FAAH2: variants seen among roughly 807,000 people sequenced by gnomAD.
FAAH2 encodes the protein fatty-acid amide hydrolase 2.
FAAH2 carries 60 observed loss-of-function variants against 36.9 expected under a neutral mutation model. The ratio of observed to expected loss-of-function variants is 1.63; its 90% CI spans 1.32 to 2.02. The LOEUF (loss-of-function observed/expected upper bound fraction) is 2.02, where lower values mean the gene tolerates loss of function less well. Ranked by LOEUF, FAAH2 falls within the 30% of genes most tolerant of loss-of-function variation. FAAH2 has a pLI of 0.00. For missense variants in FAAH2, 689 were observed against 397.5 expected (o/e 1.73, Z -6.23); for synonymous variants, 214 against 143.8 (o/e 1.49, Z -3.49).
chrX:57,150,470 A>G, the FAAH2 span, among the ~76,000 whole-genome samples: 1 of 112,145 alleles, frequency 8.9e-6, no homozygotes, highest in African/African-American at 3.2e-5. Context: ...TGTATTTAGG[A>G]TAGTTAGCTC....
chrX:57,415,205 C>T (rs1046156751), intron 7 of FAAH2, among the ~76,000 whole-genome samples: 1 of 108,418 alleles, frequency 9.2e-6, no homozygotes, highest in East Asian at 2.9e-4. Flanking sequence ...GATTTTTCGA[C>T]GAGTTTTCAT....
At chrX:57,480,142 T>A (rs945446564) in intron 10 of FAAH2, among the ~76,000 whole-genome samples, 15 of 109,982 alleles carry the variant, frequency 1.4e-4, no homozygotes, top group Non-Finnish European at 2.7e-4. Flanking sequence ...CCAAAAAGAG[T>A]CCTGGACCAG....
At chrX:57,458,936 G>A (rs2056910889) in intron 10 of FAAH2, among the ~76,000 whole-genome samples, 1 of 111,966 alleles carries the variant, frequency 8.9e-6, no homozygotes, top group Non-Finnish European at 1.9e-5. Flanking sequence ...TTTTCTTGTT[G>A]TTTCCCAGTG....
rs2054017073 is a variant in FAAH2, at chrX:57,352,043, T to TAC, written c.742+10654_742+10655insCA. On this transcript the variant is annotated intron_variant, in intron 5 of 10. Transcript: ENST00000374900. Reference sequence around the variant, plus strand: ...GTGTATATATATATATATACATATATATATGTGTATATATATATATATACA... The same window carrying TAC: ...GTGTATATATATATATATACATATATACATATGTGTATATATATATATATACA... 1.7e-3 allele frequency among the ~76,000 whole-genome samples: 32 copies of TAC among 19,253 alleles called. 2 individuals are homozygous for TAC. Among genetic ancestry groups the TAC allele is most frequent in the Non-Finnish European group, 2.8e-3 (29 of 10,372 alleles). 16.7% of individuals were successfully genotyped at this position (19,253 alleles called of 115,157 possible).
intron 7 of FAAH2, among the ~76,000 whole-genome samples, chrX:57,415,105 G>A (rs1261559576): frequency 1.8e-5 from 2 of 109,288 alleles, no homozygotes; most frequent in African/African-American, 6.6e-5. Flanking sequence ...GCATCTACTT[G>A]ATTCTTCTCT....
At chrX:57,233,098 T>C in the FAAH2 span, among the ~76,000 whole-genome samples, 1 of 112,186 alleles carries the variant, frequency 8.9e-6, no homozygotes, top group African/African-American at 3.2e-5. Context: ...ACCAGGTCTA[T>C]GGTATTATGT....
At chrX:57,279,242 C>T in the FAAH2 span, among the ~76,000 whole-genome samples, 2 of 112,383 alleles carry the variant, frequency 1.8e-5, no homozygotes, top group African/African-American at 6.5e-5. Flanking sequence ...GAAAATGTGG[C>T]ACATATACAC....
At chrX:57,160,457 A>G in the FAAH2 span, among the ~76,000 whole-genome samples, 1 of 111,721 alleles carries the variant, frequency 9.0e-6, no homozygotes, top group Non-Finnish European at 1.9e-5. Context: ...TTGGCTGTGA[A>G]TCTGTCTGTT....
chrX:57,469,054 A>AT (rs1402387205), intron 10 of FAAH2, among the ~76,000 whole-genome samples: 2 of 111,807 alleles, frequency 1.8e-5, no homozygotes, highest in Non-Finnish European at 3.8e-5. Flanking sequence ...ATGCTGAGAG[A>AT]TTTTATCACT....
At chrX:57,394,913 A>G in intron 7 of FAAH2, 4 of 698,733 alleles carry the variant, frequency 5.7e-6, no homozygotes. Context: ...CCCAACCACC[A>G]CAGCATGCCT....
chrX:57,196,723 A>G, the FAAH2 span, among the ~76,000 whole-genome samples: 1 of 111,679 alleles, frequency 9.0e-6, no homozygotes, highest in Non-Finnish European at 1.9e-5. Flanking sequence ...AAATTGAAGT[A>G]TATCTCTTTT....
At chrX:57,212,790 TTTG>T in the FAAH2 span, among the ~76,000 whole-genome samples, 103 of 112,250 alleles carry the variant, frequency 9.2e-4, 1 homozygote, top group Non-Finnish European at 1.8e-3. Context: ...TGGTTTTATT[TTTG>T]TTGTTGTGTC....
the FAAH2 span, among the ~76,000 whole-genome samples, chrX:57,187,430 T>A: frequency 3.6e-5 from 4 of 111,535 alleles, no homozygotes; most frequent in Non-Finnish European, 7.5e-5. Flanking sequence ...CCTGAGACTT[T>A]GCTGAAGTTG....
At chrX:57,273,948 T>C in the FAAH2 span, among the ~76,000 whole-genome samples, 1 of 110,106 alleles carries the variant, frequency 9.1e-6, no homozygotes, top group East Asian at 2.8e-4. Flanking sequence ...CAAACAACCC[T>C]CCAAAAAATC....
chrX:57,300,042 T>C (rs973505357), intron 2 of FAAH2, among the ~76,000 whole-genome samples: 2 of 111,691 alleles, frequency 1.8e-5, no homozygotes, highest in Non-Finnish European at 3.8e-5. Flanking sequence ...CAAGGTAATT[T>C]ATAGATTCAA....
rs190043324 is a variant in FAAH2 at position 57,345,311 on chromosome X, G to A, written c.742+3921G>A. ...TTTTTTTAATTACTGAATTAATTTC[G>A]AAGCTTGTTATTTGTCTTTTCAAGA... On this transcript the variant is annotated intron_variant, in intron 5 of 10. Transcript: ENST00000374900. Among the ~76,000 whole-genome samples the A allele has an allele frequency of 4.7e-3, 515 of 108,916 alleles. 4 individuals are homozygous for A. Among genetic ancestry groups the A allele is most frequent in the Middle Eastern group, 9.4e-3 (2 of 213 alleles). The allele number at this position is 108,916 out of a possible 115,157, so 94.6% of individuals were successfully genotyped here. A position where few individuals can be genotyped will look rare whatever the true frequency, so the allele number is the denominator to read the frequency against.
the FAAH2 span, among the ~76,000 whole-genome samples, chrX:57,157,208 G>T: frequency 9.0e-6 from 1 of 111,423 alleles, no homozygotes; most frequent in African/African-American, 3.3e-5. Context: ...ATTGGGAGAG[G>T]GATCACACAG....
chrX:57,282,849 A>T (rs2499550), upstream of FAAH2, among the ~76,000 whole-genome samples: 49,361 of 110,943 alleles, frequency 0.44, 10,906 homozygotes, highest in African/African-American at 0.86. Flanking sequence ...CCTCTCCCAC[A>T]GAAGTGCTGT....
rs143693030 is a variant in FAAH2, at chrX:57,435,828, T to G, written c.1116+3791T>G. Among the ~76,000 whole-genome samples, 428 of 111,395 alleles carry G rather than the reference T, an allele frequency of 3.8e-3. 2 individuals are homozygous for G. The highest frequency in any genetic ancestry group is 0.013 in the African/African-American group (412 of 30,785). On this transcript the variant is annotated intron_variant, in intron 8 of 10. Coordinates refer to ENST00000374900, the MANE Select transcript of FAAH2 (RefSeq NM_174912.4). Reference sequence around the variant, plus strand: ...AAAGAAATATTGAACTTATTTGGACTTTAGGTGCAATAGACCTAACACACT... The same window carrying G: ...AAAGAAATATTGAACTTATTTGGACGTTAGGTGCAATAGACCTAACACACT...
Sources: gnomAD v4.1 joint callset for allele counts (sites outside exome capture counted in the v4.1 genomes callset) on GRCh38, gnomAD v4.1.1 for gene constraint, MANE v1.5 for transcripts, NCBI Gene and HGNC (gene_info 2026-07-23, HGNC 2026-07-21) for gene names.